IGSF21: variants seen among roughly 807,000 people sequenced by gnomAD.
The protein encoded by IGSF21 is immunoglobin superfamily member 21, also known as immunoglobulin superfamily member 21.
In IGSF21, 28 loss-of-function variants were observed where a neutral mutation model predicts 46.8. That is an observed-to-expected ratio of 0.60 (90% CI 0.44 to 0.82). IGSF21 has a LOEUF of 0.82. IGSF21 is among the 40% of genes least tolerant of loss of function. The pLI is 0.00. For synonymous variants in IGSF21, 284 were observed against 273.6 expected, an observed-to-expected ratio of 1.04 and a Z score of -0.38; for missense variants, 624 against 665.5, an observed-to-expected ratio of 0.94 and a Z score of 0.69.
At chr1:18,289,006 C>T (rs573735519) in intron 2 of IGSF21, among the ~76,000 whole-genome samples, 9 of 152,276 alleles carry the variant, frequency 5.9e-5, no homozygotes, top group South Asian at 2.1e-4. Context: ...ATTTACGACT[C>T]GGATAATTCT....
At chr1:18,308,074 T>C (rs942564831) in intron 3 of IGSF21, among the ~76,000 whole-genome samples, 4 of 152,136 alleles carry the variant, frequency 2.6e-5, no homozygotes, top group Admixed American at 6.5e-5. Flanking sequence ...CTCTCTTCCA[T>C]GGTTTGGTGA....
At chr1:18,115,785 G>C (rs557014024) in intron 1 of IGSF21, 1 of 151,448 alleles carries the variant, frequency 6.6e-6, no homozygotes, top group Non-Finnish European at 1.5e-5. Context: ...AGGGAGGAAA[G>C]GAAGGAAAAA....
At chr1:18,362,289 C>A in intron 5 of IGSF21, 59 bp downstream of exon 5, 1 of 1,229,756 alleles carries the variant, frequency 8.1e-7, no homozygotes, top group Non-Finnish European at 1.2e-6. Flanking sequence ...TGCTTCGGGG[C>A]TGGTCCAGCT....
intron 2 of IGSF21, among the ~76,000 whole-genome samples, chr1:18,253,707 G>A (rs1204684312): frequency 1.3e-5 from 2 of 152,182 alleles, no homozygotes; most frequent in African/African-American, 4.8e-5. Flanking sequence ...GGAAGAGGAG[G>A]CAATGAAGCC....
intron 3 of IGSF21, among the ~76,000 whole-genome samples, chr1:18,323,032 C>A (rs2085619995): frequency 6.6e-6 from 1 of 152,148 alleles, no homozygotes. Context: ...CCAGCGACCC[C>A]ATATCTGTCA....
chr1:18,161,144 C>T (rs1293858617), intron 1 of IGSF21, among the ~76,000 whole-genome samples: 10 of 152,058 alleles, frequency 6.6e-5, no homozygotes, highest in Non-Finnish European at 7.3e-5. Flanking sequence ...AAGAAAACCC[C>T]GTGACTCGGC....
chr1:18,269,715 T>C (rs148205465), intron 2 of IGSF21, among the ~76,000 whole-genome samples: 2 of 152,230 alleles, frequency 1.3e-5, no homozygotes, highest in East Asian at 1.9e-4. Context: ...CGCATCTCCC[T>C]CATCCCTCCA....
chr1:18,236,664 A>G (rs1343040222), intron 2 of IGSF21, among the ~76,000 whole-genome samples: 1 of 152,224 alleles, frequency 6.6e-6, no homozygotes, highest in Non-Finnish European at 1.5e-5. Flanking sequence ...ATTTAGAGAT[A>G]GAAAAGTAGA....
chr1:18,229,280 T>A (rs2084600520), intron 2 of IGSF21, among the ~76,000 whole-genome samples: 2 of 152,158 alleles, frequency 1.3e-5, no homozygotes, highest in African/African-American at 4.8e-5. Context: ...TAGAGCTGGC[T>A]CCTCTGCTCC....
intron 1 of IGSF21, among the ~76,000 whole-genome samples, chr1:18,221,880 C>G (rs1380598019): frequency 2.0e-5 from 3 of 152,130 alleles, no homozygotes; most frequent in Admixed American, 6.5e-5. Context: ...GGGAAGGTGG[C>G]CTCTGCTTCT....
At chr1:18,372,515 A>AGGAT (rs55650912) in intron 6 of IGSF21, among the ~76,000 whole-genome samples, 57,564 of 139,698 alleles carry the variant, frequency 0.41, 11,447 homozygotes, top group Middle Eastern at 0.47. Context: ...GATGGATGGA[A>AGGAT]GGATGGATGG....
Position 18,163,246 on chromosome 1 carries a change from A to G in IGSF21, c.70+55048A>G, listed in dbSNP as rs77795752. ...GAATTGTTGGGCAAAAAAGAAAAAA[A>G]AAAGGCAATGTGGCAGGCCGGTGGT... On this transcript the variant is annotated intron_variant, in intron 1 of 9. Coordinates refer to ENST00000251296, the MANE Select transcript of IGSF21 (RefSeq NM_032880.5). 7.6e-3 allele frequency among the ~76,000 whole-genome samples: 1,164 copies of G among 152,278 alleles called. 13 individuals carry two copies. The highest frequency in any genetic ancestry group is 0.012 in the Non-Finnish European group (805 of 67,996).
intron 3 of IGSF21, among the ~76,000 whole-genome samples, chr1:18,317,942 C>T (rs144081046): frequency 3.3e-5 from 5 of 152,264 alleles, no homozygotes; most frequent in Non-Finnish European, 7.4e-5. Flanking sequence ...GGTCACGCAG[C>T]GAGTCAGGAT....
At chr1:18,326,373 G>C (rs2085658139) in intron 3 of IGSF21, among the ~76,000 whole-genome samples, 2 of 152,168 alleles carry the variant, frequency 1.3e-5, no homozygotes, top group South Asian at 2.1e-4. Context: ...AATGAGGGAG[G>C]GCAGAGCCCA....
rs114848038 is a variant in IGSF21 at position 18,337,826 on chromosome 1, G to A, written c.424+2816G>A. On this transcript the variant is annotated intron_variant, in intron 4 of 9. Coordinates refer to ENST00000251296, the MANE Select transcript of IGSF21 (RefSeq NM_032880.5). This position sits in a 1 kb window ranked among gnomAD's most constrained non-coding sequence, Gnocchi z 5.7. ...TCCAATCCTCACTGCAGATCGGCGC[G>A]TGGGGGATTACTATTATCTCTAACT... Among the ~76,000 whole-genome samples, 1,538 of 152,278 alleles carry A rather than the reference G, an allele frequency of 0.01. 20 individuals are homozygous for A. The highest frequency in any genetic ancestry group is 0.027 in the African/African-American group (1,108 of 41,540).
chr1:18,124,555 CA>C lies in IGSF21; in HGVS notation c.70+16358del, dbSNP rs577930551. Among the ~76,000 whole-genome samples the C allele has an allele frequency of 6.8e-3, 1,042 of 152,240 alleles. 10 individuals carry two copies. The highest frequency in any genetic ancestry group is 0.024 in the African/African-American group (990 of 41,538). ...TGATTCTGAGGCTGCTTGGACTTCCCATCCTGACCTTATGTGGCTCTTCGTG... is the reference window on the plus strand; with the variant it reads ...TGATTCTGAGGCTGCTTGGACTTCCCTCCTGACCTTATGTGGCTCTTCGTG... On this transcript the variant is annotated intron_variant, in intron 1 of 9. Coordinates refer to ENST00000251296, the MANE Select transcript of IGSF21 (RefSeq NM_032880.5).
At chr1:18,115,877 G>A (rs1444578914) in intron 1 of IGSF21, 1 of 99,032 alleles carries the variant, frequency 1.0e-5, no homozygotes, top group Non-Finnish European at 1.9e-5. Flanking sequence ...AAGAAAGAAA[G>A]AAAGAAAGAA....
intron 1 of IGSF21, chr1:18,112,259 C>G (rs2086151397): frequency 6.6e-6 from 1 of 152,222 alleles, no homozygotes. Context: ...ATGCATCCAA[C>G]AAATGCTTAT....
chr1:18,293,131 G>C (rs974475839), intron 3 of IGSF21, among the ~76,000 whole-genome samples: 1 of 152,288 alleles, frequency 6.6e-6, no homozygotes, highest in East Asian at 1.9e-4. Context: ...TCTCCAGCAC[G>C]GGCTGTGGGT....
Sources: gnomAD v4.1 joint callset for allele counts (sites outside exome capture counted in the v4.1 genomes callset) on GRCh38, gnomAD v4.1.1 for gene constraint, Gnocchi (gnomAD v3.1) non-coding constraint, MANE v1.5 for transcripts, NCBI Gene and HGNC (gene_info 2026-07-23, HGNC 2026-07-21) for gene names.